Variants in DPP10 observed in about 807,000 individuals in gnomAD.
DPP10 encodes the protein dipeptidyl peptidase like 10.
In DPP10, 33 loss-of-function variants were observed where a neutral mutation model predicts 120.9. That is an observed-to-expected ratio of 0.27 (90% CI 0.21 to 0.37). DPP10 has a LOEUF of 0.37. Ranked by LOEUF, DPP10 falls within the 10% of genes least tolerant of loss-of-function variation. The probability of loss-of-function intolerance (pLI) is 1.00; values close to 1 mark genes in which losing one functional copy is unlikely to be tolerated. For missense variants in DPP10, 816 were observed against 942.8 expected (o/e 0.87, Z 1.76); for synonymous variants, 337 against 326.1 (o/e 1.03, Z -0.36).
chr2:115,436,776 G>A (rs1300156183), intron 3 of DPP10, among the ~76,000 whole-genome samples: 2 of 151,766 alleles, frequency 1.3e-5, no homozygotes, highest in Non-Finnish European at 1.5e-5. Context: ...TCTTTTTCTG[G>A]TTCTTTAAGA....
At chr2:114,456,144 C>T (rs772293919) in intron 1 of DPP10, among the ~76,000 whole-genome samples, 1 of 152,180 alleles carries the variant, frequency 6.6e-6, no homozygotes, top group Non-Finnish European at 1.5e-5. Context: ...CTAATGGAGA[C>T]TGTAAGGGGA....
At chr2:114,545,340 A>T (rs754030774) in intron 1 of DPP10, among the ~76,000 whole-genome samples, 20 of 152,228 alleles carry the variant, frequency 1.3e-4, no homozygotes, top group Non-Finnish European at 2.4e-4. Context: ...ATTTGAAATT[A>T]CACATGTGGC....
At chr2:115,673,949 C>T (rs145905186) in intron 5 of DPP10, among the ~76,000 whole-genome samples, 60 of 152,234 alleles carry the variant, frequency 3.9e-4, no homozygotes, top group Non-Finnish European at 7.2e-4. Context: ...TGGTGGCTGA[C>T]GCCTGTAATC....
chr2:114,444,574 A>AAC (rs201347408), intron 1 of DPP10, among the ~76,000 whole-genome samples: 27 of 99,962 alleles, frequency 2.7e-4, no homozygotes, highest in African/African-American at 1.0e-3. Flanking sequence ...CAAACTGTGG[A>AAC]ACAGAAAAAA....
At chr2:114,541,231 T>C (rs1686925104) in intron 1 of DPP10, among the ~76,000 whole-genome samples, 2 of 152,198 alleles carry the variant, frequency 1.3e-5, no homozygotes, top group South Asian at 2.1e-4. Flanking sequence ...TATAGACTTA[T>C]ACTCCCCTGA....
chr2:115,188,197 CT>C (rs1369121064), intron 1 of DPP10, among the ~76,000 whole-genome samples: 1 of 152,098 alleles, frequency 6.6e-6, no homozygotes, highest in Non-Finnish European at 1.5e-5. Flanking sequence ...AGCAGACTAC[CT>C]TTTGAAAATT....
At position 114,793,864 on chromosome 2, in the gene DPP10, G is replaced by A. The variant is rs116432054; in HGVS notation, c.60+351026G>A. ...TATGTAATGTTGCATGAATTGTTTT[G>A]TAATTACTCTCTAGTGCTTCAAGTG... On this transcript the variant is annotated intron_variant, in intron 1 of 25. Coordinates refer to ENST00000410059, the MANE Select transcript of DPP10 (RefSeq NM_020868.6). Among the ~76,000 whole-genome samples the A allele has an allele frequency of 8.8e-3, 1,343 of 152,108 alleles. 6 individuals carry two copies. The highest frequency in any genetic ancestry group is 0.015 in the Non-Finnish European group (1,047 of 68,006).
chr2:114,694,464 C>G (rs1699951198), intron 1 of DPP10, among the ~76,000 whole-genome samples: 1 of 151,488 alleles, frequency 6.6e-6, no homozygotes, highest in African/African-American at 2.4e-5. Flanking sequence ...ACTCAGATAC[C>G]AATTCTCTCA....
At chr2:114,901,719 C>T (rs752310978) in intron 1 of DPP10, among the ~76,000 whole-genome samples, 49 of 152,150 alleles carry the variant, frequency 3.2e-4, no homozygotes, top group Non-Finnish European at 6.6e-4. Context: ...ATGTGCAAAA[C>T]GTTTGTGCCC....
At chr2:114,510,192 A>G (rs1684011487) in intron 1 of DPP10, among the ~76,000 whole-genome samples, 1 of 152,212 alleles carries the variant, frequency 6.6e-6, no homozygotes, top group African/African-American at 2.4e-5. Flanking sequence ...TAGTCATGCA[A>G]TTTGGATGTG....
intron 3 of DPP10, among the ~76,000 whole-genome samples, chr2:115,480,621 T>C (rs2075370507): frequency 6.6e-6 from 1 of 152,098 alleles, no homozygotes. Context: ...AGAGCAAATG[T>C]TATAGAGTTA....
chr2:115,194,631 G>A (rs2055130697), intron 1 of DPP10, among the ~76,000 whole-genome samples: 1 of 152,128 alleles, frequency 6.6e-6, no homozygotes, highest in South Asian at 2.1e-4. Context: ...AAGGGGTTTG[G>A]CCCGTCTTGC....
At chr2:115,339,609 T>C (rs1463208809) in intron 2 of DPP10, among the ~76,000 whole-genome samples, 2 of 152,130 alleles carry the variant, frequency 1.3e-5, no homozygotes, top group African/African-American at 4.8e-5. Flanking sequence ...CTCAATACCC[T>C]GGAATATTAC....
At chr2:114,634,382 T>G (rs1162914191) in intron 1 of DPP10, among the ~76,000 whole-genome samples, 1 of 151,864 alleles carries the variant, frequency 6.6e-6, no homozygotes, top group Non-Finnish European at 1.5e-5. Flanking sequence ...AAGTTTTTTT[T>G]TATTTGTCTT....
At chr2:115,445,041 C>T (rs1335644670) in intron 3 of DPP10, among the ~76,000 whole-genome samples, 2 of 152,086 alleles carry the variant, frequency 1.3e-5, no homozygotes, top group African/African-American at 4.8e-5. Flanking sequence ...ATAGTGAGTT[C>T]TTATGAGATC....
At chr2:115,088,342 G>T (rs554944858) in intron 1 of DPP10, among the ~76,000 whole-genome samples, 113 of 152,090 alleles carry the variant, frequency 7.4e-4, no homozygotes, top group African/African-American at 2.6e-3. Flanking sequence ...TTTCAGTCTG[G>T]ATTTCATAAG....
At chr2:114,857,732 A>G (rs952853098) in intron 1 of DPP10, among the ~76,000 whole-genome samples, 2 of 152,220 alleles carry the variant, frequency 1.3e-5, no homozygotes, top group African/African-American at 2.4e-5. Flanking sequence ...GAAGACTTAT[A>G]GGAAGAAATT....
chr2:114,654,363 T>A (rs936252052), intron 1 of DPP10, among the ~76,000 whole-genome samples: 1 of 152,160 alleles, frequency 6.6e-6, no homozygotes, highest in Non-Finnish European at 1.5e-5. Context: ...GAAAACCTAC[T>A]GGCTGTTGCA....
intron 3 of DPP10, among the ~76,000 whole-genome samples, chr2:115,380,826 T>G (rs569246071): frequency 6.8e-4 from 104 of 152,252 alleles, no homozygotes; most frequent in Middle Eastern, 6.8e-3. Flanking sequence ...TAGTTTGGCT[T>G]GATATGAAAT....
Sources: gnomAD v4.1 joint callset for allele counts (sites outside exome capture counted in the v4.1 genomes callset) on GRCh38, gnomAD v4.1.1 for gene constraint, MANE v1.5 for transcripts, NCBI Gene and HGNC (gene_info 2026-07-23, HGNC 2026-07-21) for gene names.